The following CCDC152 variants were observed in gnomAD, a reference collection of about 807,000 sequenced individuals.
CCDC152 encodes the protein coiled-coil domain-containing protein 152.
In CCDC152, 37 loss-of-function variants were observed where a neutral mutation model predicts 38.1. The observed-to-expected ratio is 0.97, with a 90% CI of 0.75 to 1.28. The LOEUF is 1.28. CCDC152 is among the 50% of genes most tolerant of loss of function. The probability of loss-of-function intolerance (pLI) is 0.00; values close to 1 mark genes in which losing one functional copy is unlikely to be tolerated. For missense variants in CCDC152, 259 were observed against 292.1 expected (o/e 0.89, Z 0.83); for synonymous variants, 83 against 87.1 (o/e 0.95, Z 0.26).
chr5:42,767,723 A>T (rs1759644231), intron 3 of CCDC152, among the ~76,000 whole-genome samples: 1 of 152,254 alleles, frequency 6.6e-6, no homozygotes, highest in African/African-American at 2.4e-5. Context: ...TTGAAAATAC[A>T]CATTTTTGAA....
intron 5 of CCDC152, 113 bp downstream of exon 5, chr5:42,779,635 GT>G (rs1177043448): frequency 3.1e-4 from 182 of 587,014 alleles, no homozygotes; most frequent in East Asian, 4.1e-4. Context: ...GTTTGTGGGT[GT>G]GTGTGTGTGT....
intron 3 of CCDC152, 79 bp downstream of exon 3, chr5:42,762,627 A>G (rs1049562373): frequency 6.5e-6 from 5 of 766,770 alleles, no homozygotes; most frequent in African/African-American, 1.8e-5. Flanking sequence ...ATTACACCAT[A>G]TATTTGTAAA....
chr5:42,794,345 G>A (rs1424735125), intron 6 of CCDC152, among the ~76,000 whole-genome samples: 5 of 152,154 alleles, frequency 3.3e-5, no homozygotes, highest in Admixed American at 6.5e-5. Flanking sequence ...GGTGCCCTAC[G>A]CCATTGAGCT....
chr5:42,769,600 G>A lies in CCDC152; in HGVS notation c.197G>A (p.Cys66Tyr). 1 of 1,484,554 alleles carries A rather than the reference G, an allele frequency of 6.7e-7. No individual in the cohort carries two copies. The highest frequency in any genetic ancestry group is 9.0e-7 in the Non-Finnish European group (1 of 1,116,210). 92.0% of individuals were successfully genotyped at this position (1,484,554 alleles called of 1,614,324 possible). A position where few individuals can be genotyped will look rare whatever the true frequency, so the allele number is the denominator to read the frequency against. Reference sequence around the variant, plus strand: ...AAATTTATCTTTTATATTTCAGAATGTGCTACTCTTCATAATATAATAAAA... The same window carrying A: ...AAATTTATCTTTTATATTTCAGAATATGCTACTCTTCATAATATAATAAAA... ...QAKEVSIKEE[C>Y]ATLHNIIKGL... The change falls in exon 4 of 9, where the codon TGT becomes TAT. Residue 66 changes from cysteine to tyrosine, a missense_variant. Cys to Tyr is a radical substitution (Grantham distance 194). Transcript: ENST00000361970.
rs940762037 is a variant in CCDC152 at position 42,800,733 on chromosome 5, C to G, written c.*952C>G. On this transcript the variant is annotated 3_prime_UTR_variant, in exon 9 of 9. Transcript: ENST00000361970. ...TATTTTAAATATTTAGTTTGAAGGTCATTCTCACTTTTTTGCCTGATTCTT... is the reference window on the plus strand; with the variant it reads ...TATTTTAAATATTTAGTTTGAAGGTGATTCTCACTTTTTTGCCTGATTCTT... 8 of 1,603,906 alleles carry G rather than the reference C, an allele frequency of 5.0e-6. No homozygotes were observed. The highest frequency in any genetic ancestry group is 6.0e-6 in the Non-Finnish European group (7 of 1,172,758).
chr5:42,796,772 C>G, intron 6 of CCDC152, 57 bp from the exon 7 acceptor site: 1 of 1,142,330 alleles, frequency 8.8e-7, no homozygotes, highest in Non-Finnish European at 1.2e-6. Context: ...GAAATACAAA[C>G]TTATAATAAT....
intron 2 of CCDC152, 26 bp from the exon 3 acceptor site, chr5:42,762,417 T>C (rs1276913528): frequency 2.5e-6 from 3 of 1,187,060 alleles, no homozygotes; most frequent in East Asian, 5.1e-5. Flanking sequence ...GATTTGTTAA[T>C]AATAAGTATT....
intron 2 of CCDC152, among the ~76,000 whole-genome samples, chr5:42,761,516 GAA>G (rs2111935490): frequency 6.6e-6 from 1 of 152,228 alleles, no homozygotes; most frequent in South Asian, 2.1e-4. Flanking sequence ...TCAGGAGGCT[GAA>G]GCAGGAGAAC....
At chr5:42,762,351 G>A in intron 2 of CCDC152, 92 bp from the exon 3 acceptor site, 1 of 656,418 alleles carries the variant, frequency 1.5e-6, no homozygotes, top group Non-Finnish European at 2.6e-6. Context: ...GATATTAAGT[G>A]GTTTGTATTT....
At position 42,796,979 on chromosome 5, in the gene CCDC152, AACTT is replaced by A. The variant is rs1243162577; in HGVS notation, c.558+24_558+27del. The A allele has an allele frequency of 8.9e-6, 13 of 1,466,190 alleles. No individual in the cohort carries two copies. In the South Asian group the frequency reaches 1.6e-4, roughly 18 times the overall value. 90.8% of individuals were successfully genotyped at this position (1,466,190 alleles called of 1,614,324 possible). ...GAAGTAAGTGTTTAAGAGTCTGCTA[AACTT>A]GAGGACACATCCCTTAGTCTAAACT... On this transcript the variant is annotated intron_variant, in intron 7 of 8. Coordinates refer to ENST00000361970, the MANE Select transcript of CCDC152 (RefSeq NM_001134848.2).
chr5:42,761,507 CAGGAGG>C (rs2111935469), intron 2 of CCDC152, among the ~76,000 whole-genome samples: 1 of 152,140 alleles, frequency 6.6e-6, no homozygotes, highest in South Asian at 2.1e-4. Flanking sequence ...CCCAGCTACT[CAGGAGG>C]CTGAAGCAGG....
At chr5:42,788,571 T>C (rs1421408201) in intron 6 of CCDC152, among the ~76,000 whole-genome samples, 3 of 152,112 alleles carry the variant, frequency 2.0e-5, no homozygotes, top group African/African-American at 7.2e-5. Flanking sequence ...TTCATCTGTA[T>C]GTCTCTGGGA....
intron 3 of CCDC152, among the ~76,000 whole-genome samples, chr5:42,767,953 A>G (rs763647525): frequency 6.6e-6 from 1 of 152,172 alleles, no homozygotes; most frequent in African/African-American, 2.4e-5. Flanking sequence ...TTTAACCGTT[A>G]TTCTCTTACT....
chr5:42,799,774 G>A lies in CCDC152; in HGVS notation c.758G>A (p.Arg253Gln), dbSNP rs374047304. The A allele has an allele frequency of 1.1e-5, 17 of 1,547,974 alleles. No individual in the cohort carries two copies. The highest frequency in any genetic ancestry group is 7.3e-5 in the East Asian group (3 of 40,864). ...VGKDSHLKRR[R>Q]F Reference sequence around the variant, plus strand: ...AAAGATTCTCACCTTAAGCGTAGACGGTTTTGAGCTTAGCAGTAAATTCAT... The same window carrying A: ...AAAGATTCTCACCTTAAGCGTAGACAGTTTTGAGCTTAGCAGTAAATTCAT... The change falls in exon 9 of 9, where the codon CGG becomes CAG. Residue 253 changes from arginine (R) to glutamine (Q), a missense_variant. By Grantham distance (43) the Arg-to-Gln change is conservative (BLOSUM62 1). Transcript: ENST00000361970.
chr5:42,777,385 C>T (rs1759781612), intron 4 of CCDC152, among the ~76,000 whole-genome samples: 1 of 151,812 alleles, frequency 6.6e-6, no homozygotes. Context: ...TAGCTTGAAC[C>T]CAGGAGGGGG....
At chr5:42,785,486 G>A (rs1016762171) in intron 6 of CCDC152, among the ~76,000 whole-genome samples, 5 of 152,010 alleles carry the variant, frequency 3.3e-5, no homozygotes, top group African/African-American at 1.2e-4. Flanking sequence ...GTCAGGTCTA[G>A]GGGGAATCTT....
intron 3 of CCDC152, among the ~76,000 whole-genome samples, chr5:42,763,276 G>C (rs1759579988): frequency 6.6e-6 from 1 of 152,162 alleles, no homozygotes; most frequent in Admixed American, 6.5e-5. Context: ...CTAGCCCAAA[G>C]TATAAAATAA....
intron 4 of CCDC152, among the ~76,000 whole-genome samples, chr5:42,772,189 T>C (rs1759708337): frequency 6.6e-6 from 1 of 152,114 alleles, no homozygotes; most frequent in Admixed American, 6.5e-5. Flanking sequence ...AACACCTCAA[T>C]AGATACAGAA....
chr5:42,781,892 C>T (rs912364553), intron 5 of CCDC152, among the ~76,000 whole-genome samples: 16 of 152,130 alleles, frequency 1.1e-4, no homozygotes, highest in African/African-American at 3.9e-4. Flanking sequence ...TTCCTTTTCT[C>T]TTGCCTACAT....
Sources: gnomAD v4.1 joint callset for allele counts (sites outside exome capture counted in the v4.1 genomes callset) on GRCh38, gnomAD v4.1.1 for gene constraint, MANE v1.5 for transcripts, NCBI Gene and HGNC (gene_info 2026-07-23, HGNC 2026-07-21) for gene names.